The following DOK7 variants were observed in gnomAD, a reference collection of about 807,000 sequenced individuals.
The protein encoded by DOK7 is protein Dok-7.
Under a neutral mutation model 30.7 loss-of-function variants are expected in DOK7, and 32 were observed. The observed-to-expected ratio is 1.04, with a 90% CI of 0.79 to 1.40. The LOEUF (loss-of-function observed/expected upper bound fraction) is 1.40. DOK7 is among the 40% of genes most tolerant of loss of function. The probability of loss-of-function intolerance (pLI) is 0.00; values close to 1 mark genes in which losing one functional copy is unlikely to be tolerated. For missense variants in DOK7, 1,007 were observed against 699.2 expected, an observed-to-expected ratio of 1.44 and a Z score of -4.97; for synonymous variants, 447 against 324.1, an observed-to-expected ratio of 1.38 and a Z score of -4.07.
chr4:3,468,763 T>A (rs58551291), intron 2 of DOK7, among the ~76,000 whole-genome samples: 2,998 of 125,990 alleles, frequency 0.024, 106 homozygotes, highest in African/African-American at 0.088. Flanking sequence ...TGTGCGTGTG[T>A]GTGTGCATGT....
At chr4:3,482,246 C>T (rs1309463633) in intron 4 of DOK7, among the ~76,000 whole-genome samples, 1 of 152,346 alleles carries the variant, frequency 6.6e-6, no homozygotes, top group African/African-American at 2.4e-5. Flanking sequence ...GCTGGCAATT[C>T]TGTGGGCCAG....
chr4:3,488,704 A>C (rs1055517076), intron 5 of DOK7, among the ~76,000 whole-genome samples: 1 of 152,096 alleles, frequency 6.6e-6, no homozygotes, highest in African/African-American at 2.4e-5. Context: ...GGTGCCCCCA[A>C]GGTGGGTGTC....
rs751822979 is a variant in DOK7, at chr4:3,473,489, A to C, written c.184A>C (p.Ile62Leu). Residue 62 changes from isoleucine to leucine, a missense_variant, in exon 3 of 7, where the codon ATC becomes CTC. Ile to Leu is a conservative substitution (Grantham distance 5). Transcript: ENST00000340083. ...GCGCAGCAGCCTGACGCTAGAGGAC[A>C]TCTGCGGGCTGGAGCCCGGCCTGCC... ...RERSSLTLED[I>L]CGLEPGLPYE... 2 of 1,611,206 alleles carry C rather than the reference A, an allele frequency of 1.2e-6. No individual in the cohort carries two copies. The highest frequency in any genetic ancestry group is 1.7e-6 in the Non-Finnish European group (2 of 1,179,798).
chr4:3,493,814 C>A lies in DOK7; in HGVS notation c.*313C>A. On this transcript the variant is annotated 3_prime_UTR_variant, in exon 7 of 7. Transcript: ENST00000340083. ...GGTGAGTGCTGCACCTCTGTTGGCTCGTGCCTTGCACTGGGGTGCCAAGGG... is the reference window on the plus strand; with the variant it reads ...GGTGAGTGCTGCACCTCTGTTGGCTAGTGCCTTGCACTGGGGTGCCAAGGG... 1 of 1,270,058 alleles carries A rather than the reference C, an allele frequency of 7.9e-7. No homozygotes were observed. Among genetic ancestry groups the A allele is most frequent in the South Asian group, 2.2e-5 (1 of 46,124 alleles). The allele number at this position is 1,270,058 out of a possible 1,614,324, so 78.7% of individuals were successfully genotyped here.
intron 2 of DOK7, among the ~76,000 whole-genome samples, chr4:3,471,702 G>C (rs909520995): frequency 1.6e-4 from 24 of 152,366 alleles, no homozygotes; most frequent in Middle Eastern, 3.4e-3. Context: ...CGCTGTGTTT[G>C]ATTTCTCTCT....
chr4:3,487,749 G>A (rs1727905977), intron 5 of DOK7, among the ~76,000 whole-genome samples: 1 of 152,220 alleles, frequency 6.6e-6, no homozygotes, highest in African/African-American at 2.4e-5. Context: ...GGAAATGGTG[G>A]GAGGTTGTGT....
intron 4 of DOK7, among the ~76,000 whole-genome samples, chr4:3,477,048 G>A (rs1165210359): frequency 6.7e-6 from 1 of 148,822 alleles, no homozygotes; most frequent in Non-Finnish European, 1.5e-5. Flanking sequence ...AGTCCTCTGG[G>A]CCTGTGAAGG....
At position 3,493,891 on chromosome 4, in the gene DOK7, G is replaced by C; in HGVS notation, c.*390G>C. On this transcript the variant is annotated 3_prime_UTR_variant, in exon 7 of 7. Coordinates refer to ENST00000340083, the MANE Select transcript of DOK7 (RefSeq NM_173660.5). ...CTCCTTGGGCCTCACGCCCCCTTCG[G>C]GGGTGGCCGGTTCTCCCCATCACCT... The C allele has an allele frequency of 9.3e-7, 1 of 1,078,336 alleles. No individual in the cohort carries two copies. The allele number at this position is 1,078,336 out of a possible 1,614,324, so 66.8% of individuals were successfully genotyped here.
At chr4:3,487,618 G>A (rs1424929992) in intron 5 of DOK7, among the ~76,000 whole-genome samples, 2 of 152,186 alleles carry the variant, frequency 1.3e-5, no homozygotes, top group Non-Finnish European at 2.9e-5. Flanking sequence ...TTCTTGGCCT[G>A]GCCTCCACGG....
chr4:3,463,566 C>T lies in DOK7; in HGVS notation c.100+15C>T, dbSNP rs1039393583. On this transcript the variant is annotated intron_variant, in intron 2 of 6. Transcript: ENST00000340083. ...GCCCGTGGCAGGTGAGCGGGGCGGGCGGGGGACGGGGGGCGCGGGGGTAGC... is the reference window on the plus strand; with the variant it reads ...GCCCGTGGCAGGTGAGCGGGGCGGGTGGGGGACGGGGGGCGCGGGGGTAGC... 9 of 256,776 alleles carry T rather than the reference C, an allele frequency of 3.5e-5. No individual in the cohort carries two copies. Among genetic ancestry groups the T allele is most frequent in the Non-Finnish European group, 6.4e-5 (9 of 140,908 alleles). 15.9% of individuals were successfully genotyped at this position (256,776 alleles called of 1,614,324 possible). A position where few individuals can be genotyped will look rare whatever the true frequency, so the allele number is the denominator to read the frequency against.
At position 3,494,053 on chromosome 4, in the gene DOK7, A is replaced by G. The variant is rs1186187883; in HGVS notation, c.*552A>G. 1 of 987,556 alleles carries G rather than the reference A, an allele frequency of 1.0e-6. No individual in the cohort carries two copies. The highest frequency in any genetic ancestry group is 1.2e-6 in the Non-Finnish European group (1 of 831,502). 61.2% of individuals were successfully genotyped at this position (987,556 alleles called of 1,614,324 possible). A position where few individuals can be genotyped will look rare whatever the true frequency, so the allele number is the denominator to read the frequency against. On this transcript the variant is annotated 3_prime_UTR_variant, in exon 7 of 7. Transcript: ENST00000340083. ...CATCTATGGGAGGAAACTGAAGCTC[A>G]GGAGGCTGTGTGGCTTGCGGGGTCT... is the stretch of plus-strand genomic sequence containing the variant.
At chr4:3,463,580 C>A (rs947341116) in intron 2 of DOK7, 29 bp downstream of exon 2, 3 of 1,455,280 alleles carry the variant, frequency 2.1e-6, no homozygotes, top group Non-Finnish European at 2.8e-6. Context: ...GGACGGGGGG[C>A]GCGGGGGTAG....
Position 3,491,781 on chromosome 4 carries a change from GTGGCTC to G in DOK7, c.773-969_773-964del, listed in dbSNP as rs1462861025. ...AGCAGAGGCACCTCCTCAGCTGCCGGTGGCTCTGGCTCTGTTGCCATTGTGGGGAGA... is the reference window on the plus strand; with the variant it reads ...AGCAGAGGCACCTCCTCAGCTGCCGGTGGCTCTGTTGCCATTGTGGGGAGA... On this transcript the variant is annotated intron_variant, in intron 6 of 6. Transcript: ENST00000340083. 5.9e-5 allele frequency among the ~76,000 whole-genome samples: 9 copies of G among 152,376 alleles called. No individual in the cohort carries two copies. The East Asian group carries it at 1.2e-3, about 20-fold the overall frequency.
intron 5 of DOK7, among the ~76,000 whole-genome samples, chr4:3,487,252 T>C (rs1392063451): frequency 6.6e-6 from 1 of 152,058 alleles, no homozygotes; most frequent in African/African-American, 2.4e-5. Flanking sequence ...GACACTATGC[T>C]GGGCAGCACC....
intron 4 of DOK7, among the ~76,000 whole-genome samples, chr4:3,478,826 C>A (rs1007324220): frequency 2.0e-5 from 3 of 152,166 alleles, no homozygotes; most frequent in African/African-American, 7.2e-5. Context: ...TGGCCACCAC[C>A]CTGGGTGGTT....
intron 4 of DOK7, among the ~76,000 whole-genome samples, chr4:3,479,195 C>T (rs568249060): frequency 1.3e-5 from 2 of 152,358 alleles, no homozygotes; most frequent in Non-Finnish European, 2.9e-5. Flanking sequence ...GCGGCCTCGG[C>T]TCGTGGCTGT....
rs769289951 is a variant in DOK7 at position 3,492,855 on chromosome 4, C to T, written c.869C>T (p.Ser290Leu). 1.1e-4 allele frequency: 183 copies of T among 1,610,440 alleles called. 1 individual carries two copies. Among genetic ancestry groups the T allele is most frequent in the Non-Finnish European group, 1.3e-4 (149 of 1,179,272 alleles). The part of the protein sequence containing the change: ...RLTAWPEQSS[S>L]SASTSQEGPR... Reference sequence around the variant, plus strand: ...ACCGCATGGCCAGAGCAATCCTCGTCGTCAGCCAGCACGTCACAGGAGGGG... The same window carrying T: ...ACCGCATGGCCAGAGCAATCCTCGTTGTCAGCCAGCACGTCACAGGAGGGG... Residue 290 changes from serine (S) to leucine (L), a missense_variant, in exon 7 of 7, where the codon TCG becomes TTG. Coordinates refer to ENST00000340083, the MANE Select transcript of DOK7 (RefSeq NM_173660.5).
In DOK7 at chr4:3,494,479, C is replaced by T; in HGVS notation, c.*978C>T. On this transcript the variant is annotated 3_prime_UTR_variant, in exon 7 of 7. Coordinates refer to ENST00000340083, the MANE Select transcript of DOK7 (RefSeq NM_173660.5). ...TAGACTGGAAATAAAATGTTCTTTC[C>T]TTACCACCTTGTCCTAGTCCGTTGC... The T allele has an allele frequency of 1.0e-6, 1 of 985,482 alleles. No homozygotes were observed. The highest frequency in any genetic ancestry group is 1.2e-6 in the Non-Finnish European group (1 of 829,896). 61.0% of individuals were successfully genotyped at this position (985,482 alleles called of 1,614,324 possible).
chr4:3,496,676 G>A, downstream of DOK7: 2 of 808,790 alleles, frequency 2.5e-6, no homozygotes, highest in South Asian at 1.8e-5. Flanking sequence ...CATCAGGTAT[G>A]GCGGGCTGGA....
Sources: gnomAD v4.1 joint callset for allele counts (sites outside exome capture counted in the v4.1 genomes callset) on GRCh38, gnomAD v4.1.1 for gene constraint, MANE v1.5 for transcripts, NCBI Gene and HGNC (gene_info 2026-07-23, HGNC 2026-07-21) for gene names.